Variants in CMKLR2 observed in about 807,000 individuals in gnomAD.
The protein encoded by CMKLR2 is chemerin chemokine-like receptor 2.
In CMKLR2, 18 loss-of-function variants were observed where a neutral mutation model predicts 23.0. The observed-to-expected ratio is 0.78, with a 90% CI of 0.54 to 1.16. The LOEUF is 1.16. CMKLR2 is among the 50% of genes most tolerant of loss of function. CMKLR2 has a pLI of 0.00. For synonymous variants in CMKLR2, 158 were observed against 158.9 expected (o/e 0.99, Z 0.05); for missense variants, 401 against 412.7 (o/e 0.97, Z 0.25).
Position 206,177,209 on chromosome 2 carries a change from T to A in CMKLR2, c.39A>T (p.Glu13Asp), listed in dbSNP as rs3755227. 3 of 1,607,960 alleles carry A rather than the reference T, an allele frequency of 1.9e-6. No homozygotes were observed. Among genetic ancestry groups the A allele is most frequent in the Non-Finnish European group, 2.5e-6 (3 of 1,177,572 alleles). The change falls in exon 2 of 2, where the codon GAA (glutamate) becomes GAT (aspartate). Residue 13 changes from glutamate (E) to aspartate (D), a missense_variant. Transcript: ENST00000621141. ...AATAGTCTAGGTCATAGGAATAGTT[T>A]TCAAATTCTTCAAATAATGTTTCCT... ...DLEETLFEEF[E>D]NYSYDLDYYS... is the part of the protein sequence containing the mutation.
chr2:206,205,789 T>C (rs1689292939), intron 1 of CMKLR2, among the ~76,000 whole-genome samples: 1 of 151,960 alleles, frequency 6.6e-6, no homozygotes, highest in Non-Finnish European at 1.5e-5. Flanking sequence ...AACCTCCACC[T>C]CCCAGGTTCA....
In CMKLR2 at chr2:206,198,539, G is replaced by T. The variant is rs77453050; in HGVS notation, c.-29+14768C>A. Among the ~76,000 whole-genome samples, 93 of 152,194 alleles carry T rather than the reference G, an allele frequency of 6.1e-4. 1 individual carries two copies. Among genetic ancestry groups the T allele is most frequent in the African/African-American group, 2.2e-3 (90 of 41,530 alleles). ...CATGCCTCAAACTAGCACCAAATCC[G>T]GTCCCTTGCACAGAGTGGACATTCA... On this transcript the variant is annotated intron_variant, in intron 1 of 1. Transcript: ENST00000621141.
At chr2:206,206,181 T>C (rs1012717585) in intron 1 of CMKLR2, among the ~76,000 whole-genome samples, 7 of 152,246 alleles carry the variant, frequency 4.6e-5, no homozygotes, top group Non-Finnish European at 1.0e-4. Flanking sequence ...CCATTTCATT[T>C]TACCATCTAA....
Position 206,176,232 on chromosome 2 carries a change from T to C in CMKLR2, c.1016A>G (p.Gln339Arg), listed in dbSNP as rs572438977. The C allele has an allele frequency of 6.2e-7, 1 of 1,614,196 alleles. No individual in the cohort carries two copies. The highest frequency in any genetic ancestry group is 2.2e-5 in the East Asian group (1 of 44,886). The change falls in exon 2 of 2, where the codon CAG (glutamine) becomes CGG (arginine). Residue 339 changes from glutamine (Q) to arginine (R), a missense_variant. Transcript: ENST00000621141. The stretch of plus-strand genomic sequence containing the variant: ...ATTCTTGGTTTCTGAGTTCCTGAGC[T>C]GTTCACTCACTGTGCCAGAACAGCT... ...EVSCSGTVSE[Q>R]LRNSETKNLC...
intron 1 of CMKLR2, among the ~76,000 whole-genome samples, chr2:206,198,721 A>G (rs1011004111): frequency 1.3e-5 from 2 of 152,244 alleles, no homozygotes; most frequent in African/African-American, 2.4e-5. Context: ...TCCCACAGAA[A>G]AGAAAAATTA....
At chr2:206,188,886 G>A (rs2105812047) in intron 1 of CMKLR2, among the ~76,000 whole-genome samples, 1 of 152,162 alleles carries the variant, frequency 6.6e-6, no homozygotes, top group Non-Finnish European at 1.5e-5. Flanking sequence ...GGCAGAAAGT[G>A]TAATAATAAA....
chr2:206,189,639 GA>G (rs559698014), intron 1 of CMKLR2, among the ~76,000 whole-genome samples: 110 of 111,738 alleles, frequency 9.8e-4, no homozygotes, highest in African/African-American at 1.9e-3. Context: ...CATCTAAAAA[GA>G]AAAAAAAAAA....
At chr2:206,187,406 T>G (rs1320337491) in intron 1 of CMKLR2, among the ~76,000 whole-genome samples, 3 of 152,198 alleles carry the variant, frequency 2.0e-5, no homozygotes, top group Non-Finnish European at 4.4e-5. Context: ...AGGTAGGAAT[T>G]GACAGACCCA....
At chr2:206,203,161 CA>C (rs35488030) in intron 1 of CMKLR2, among the ~76,000 whole-genome samples, 48,640 of 118,916 alleles carry the variant, frequency 0.41, 9,474 homozygotes, top group Non-Finnish European at 0.45. Context: ...TCTAAAACTA[CA>C]AAAAAAAAAA....
At chr2:206,186,742 T>C (rs1311136778) in intron 1 of CMKLR2, among the ~76,000 whole-genome samples, 1 of 151,714 alleles carries the variant, frequency 6.6e-6, no homozygotes, top group African/African-American at 2.4e-5. Context: ...GGTTTTGCAG[T>C]TGACTATGGT....
chr2:206,185,522 A>G (rs865774296), intron 1 of CMKLR2, among the ~76,000 whole-genome samples: 48 of 152,228 alleles, frequency 3.2e-4, no homozygotes, highest in African/African-American at 1.1e-3. Context: ...TTCAACAAGA[A>G]TGTAGGAGGT....
At chr2:206,198,484 A>G (rs1688987681) in intron 1 of CMKLR2, among the ~76,000 whole-genome samples, 1 of 152,284 alleles carries the variant, frequency 6.6e-6, no homozygotes, top group Non-Finnish European at 1.5e-5. Context: ...AGATGGCAGC[A>G]CCGTATATTC....
upstream of CMKLR2, among the ~76,000 whole-genome samples, chr2:206,214,872 G>A (rs1440373955): frequency 1.3e-5 from 2 of 151,834 alleles, no homozygotes; most frequent in Non-Finnish European, 1.5e-5. Context: ...TGATCCGCCC[G>A]CCTCGGCCTC....
At chr2:206,183,920 T>C (rs1399684474) in intron 1 of CMKLR2, among the ~76,000 whole-genome samples, 1 of 152,208 alleles carries the variant, frequency 6.6e-6, no homozygotes, top group African/African-American at 2.4e-5. Context: ...ATCTAGAGAC[T>C]AAATGTATTC....
chr2:206,194,458 C>CTTTTTT (rs369564233), intron 1 of CMKLR2, among the ~76,000 whole-genome samples: 1 of 127,710 alleles, frequency 7.8e-6, no homozygotes, highest in Non-Finnish European at 1.6e-5. Context: ...TCGTTATGGG[C>CTTTTTT]TTTTTTTTTT....
intron 1 of CMKLR2, among the ~76,000 whole-genome samples, chr2:206,204,862 A>G (rs1156391681): frequency 1.3e-5 from 2 of 152,234 alleles, no homozygotes; most frequent in African/African-American, 4.8e-5. Flanking sequence ...CATCCTTGAC[A>G]AAGTGGCATA....
At position 206,176,210 on chromosome 2, in the gene CMKLR2, C is replaced by A; in HGVS notation, c.1038G>T (p.Lys346Asn). The A allele has an allele frequency of 6.2e-7, 1 of 1,612,584 alleles. No homozygotes were observed. Among genetic ancestry groups the A allele is most frequent in the Non-Finnish European group, 8.5e-7 (1 of 1,179,284 alleles). The change falls in exon 2 of 2, where the codon AAG (lysine) becomes AAT (asparagine). Residue 346 changes from lysine (K) to asparagine (N), a missense_variant. Coordinates refer to ENST00000621141, the MANE Select transcript of CMKLR2 (RefSeq NM_001389445.1). The stretch of plus-strand genomic sequence containing the variant: ...GAGCTGTTTCCAGGAGACACAGATT[C>A]TTGGTTTCTGAGTTCCTGAGCTGTT... ...VSEQLRNSET[K>N]NLCLLETAQ
intron 1 of CMKLR2, among the ~76,000 whole-genome samples, chr2:206,193,964 T>G (rs2105818172): frequency 6.6e-6 from 1 of 152,280 alleles, no homozygotes; most frequent in Middle Eastern, 3.4e-3. Flanking sequence ...GAATATCCAG[T>G]TTAGGGTGGA....
chr2:206,216,254 GACC>G (rs1689750042), upstream of CMKLR2, among the ~76,000 whole-genome samples: 2 of 152,156 alleles, frequency 1.3e-5, no homozygotes, highest in Admixed American at 1.3e-4. Context: ...TGGAGTTCAA[GACC>G]AGCCTGACCA....
Sources: allele counts gnomAD v4.1 joint callset (sites outside exome capture counted in the v4.1 genomes callset), GRCh38; gene constraint gnomAD v4.1.1; transcripts MANE v1.5; gene names NCBI Gene and HGNC (gene_info 2026-07-23, HGNC 2026-07-21).